The following CCDC148 variants were observed in gnomAD, a reference collection of about 807,000 sequenced individuals.
The protein encoded by CCDC148 is coiled-coil domain containing 148.
CCDC148 carries 89 observed loss-of-function variants against 85.7 expected under a neutral mutation model. That is an observed-to-expected ratio of 1.04 (90% CI 0.87 to 1.24). CCDC148 has a LOEUF of 1.24. CCDC148 is among the 50% of genes most tolerant of loss of function. The pLI is 0.00. For missense variants in CCDC148, 692 were observed against 671.7 expected, an observed-to-expected ratio of 1.03 and a Z score of -0.33; for synonymous variants, 230 against 213.9, an observed-to-expected ratio of 1.08 and a Z score of -0.66.
At chr2:158,427,099 C>T (rs1687112777) in intron 1 of CCDC148, among the ~76,000 whole-genome samples, 1 of 152,098 alleles carries the variant, frequency 6.6e-6, no homozygotes, top group African/African-American at 2.4e-5. Flanking sequence ...AATTTGACCT[C>T]ACAGTGAGAG....
At chr2:158,223,654 C>T (rs1687325106) in intron 10 of CCDC148, among the ~76,000 whole-genome samples, 1 of 152,198 alleles carries the variant, frequency 6.6e-6, no homozygotes, top group Non-Finnish European at 1.5e-5. Flanking sequence ...GCAACATTTG[C>T]TGTTCACCAA....
At chr2:158,327,820 T>A (rs1692859726) in intron 7 of CCDC148, among the ~76,000 whole-genome samples, 1 of 152,182 alleles carries the variant, frequency 6.6e-6, no homozygotes, top group Admixed American at 6.5e-5. Context: ...TTCAGCAACA[T>A]TTGAAATTTT....
chr2:158,266,702 C>T (rs543483596), intron 9 of CCDC148, among the ~76,000 whole-genome samples: 167 of 152,094 alleles, frequency 1.1e-3, no homozygotes, highest in African/African-American at 3.9e-3. Flanking sequence ...CTCCCACTTA[C>T]GTGTGAGAAC....
chr2:158,176,832 G>A, intron 12 of CCDC148, 171 bp from the exon 13 acceptor site: 1 of 633,534 alleles, frequency 1.6e-6, no homozygotes, highest in South Asian at 2.3e-5. Flanking sequence ...CCACAAAGGA[G>A]TTAAAACAAA....
intron 1 of CCDC148, among the ~76,000 whole-genome samples, chr2:158,421,709 G>C (rs532246709): frequency 2.0e-5 from 3 of 152,196 alleles, no homozygotes; most frequent in South Asian, 2.1e-4. Flanking sequence ...ACATTCAAAA[G>C]CTAGCAGAAG....
chr2:158,451,477 T>A (rs1688401824), intron 1 of CCDC148, among the ~76,000 whole-genome samples: 1 of 152,204 alleles, frequency 6.6e-6, no homozygotes, highest in South Asian at 2.1e-4. Context: ...TAACTACTGA[T>A]GTCTCTAATA....
At chr2:158,261,106 T>C (rs1034376440) in intron 9 of CCDC148, among the ~76,000 whole-genome samples, 5 of 151,980 alleles carry the variant, frequency 3.3e-5, no homozygotes, top group African/African-American at 1.2e-4. Context: ...TTACATTACC[T>C]GACTTCAAAC....
chr2:158,362,227 G>A (rs1683983349), intron 1 of CCDC148, among the ~76,000 whole-genome samples: 1 of 151,682 alleles, frequency 6.6e-6, no homozygotes, highest in Non-Finnish European at 1.5e-5. Flanking sequence ...AATAATAATG[G>A]GAGACTTTAA....
chr2:158,352,800 G>GA (rs1260548006), intron 2 of CCDC148, among the ~76,000 whole-genome samples: 8 of 151,822 alleles, frequency 5.3e-5, no homozygotes, highest in Non-Finnish European at 7.4e-5. Context: ...TGAAATGAAG[G>GA]AAAAAATGTT....
At chr2:158,238,298 A>G (rs1688200331) in intron 10 of CCDC148, among the ~76,000 whole-genome samples, 1 of 152,016 alleles carries the variant, frequency 6.6e-6, no homozygotes. Flanking sequence ...AAATGGAGGG[A>G]CTAGCCTTAG....
chr2:158,375,226 C>G (rs1391782670), intron 1 of CCDC148, among the ~76,000 whole-genome samples: 1 of 152,032 alleles, frequency 6.6e-6, no homozygotes, highest in African/African-American at 2.4e-5. Flanking sequence ...GCCCCTTGAC[C>G]CTACCAAGTC....
At chr2:158,345,937 C>T (rs1049192640) in intron 2 of CCDC148, among the ~76,000 whole-genome samples, 5 of 152,016 alleles carry the variant, frequency 3.3e-5, no homozygotes, top group African/African-American at 1.2e-4. Context: ...CTAAGTGCGT[C>T]TTTGTAAAAA....
At chr2:158,440,296 T>C (rs1416619770) in intron 1 of CCDC148, among the ~76,000 whole-genome samples, 1 of 152,200 alleles carries the variant, frequency 6.6e-6, no homozygotes, top group African/African-American at 2.4e-5. Flanking sequence ...TTCTTAACTG[T>C]TAAATAGTTA....
intron 1 of CCDC148, among the ~76,000 whole-genome samples, chr2:158,370,959 A>T (rs976260821): frequency 1.4e-4 from 22 of 151,828 alleles, no homozygotes; most frequent in African/African-American, 5.3e-4. Flanking sequence ...AACACTGGCA[A>T]TTTCTGGGTA....
At chr2:158,274,003 C>A (rs1413139311) in intron 9 of CCDC148, among the ~76,000 whole-genome samples, 1 of 152,150 alleles carries the variant, frequency 6.6e-6, no homozygotes, top group Admixed American at 6.5e-5. Flanking sequence ...TACTGGCCTC[C>A]AGGGCTATGT....
chr2:158,417,636 T>C (rs1235367993), intron 1 of CCDC148, among the ~76,000 whole-genome samples: 1 of 152,196 alleles, frequency 6.6e-6, no homozygotes, highest in African/African-American at 2.4e-5. Flanking sequence ...CAGACCTGCC[T>C]TGTGGTCTCA....
intron 6 of CCDC148, 37 bp downstream of exon 6, chr2:158,338,953 T>C (rs770316020): frequency 6.3e-6 from 10 of 1,599,864 alleles, no homozygotes; most frequent in Non-Finnish European, 8.5e-6. Context: ...AACGACAAAT[T>C]GATAAACACA....
chr2:158,395,010 C>T (rs981575173), intron 1 of CCDC148, among the ~76,000 whole-genome samples: 1 of 151,992 alleles, frequency 6.6e-6, no homozygotes, highest in African/African-American at 2.4e-5. Flanking sequence ...TTGACAGAGT[C>T]TGTTCCTTAA....
intron 9 of CCDC148, among the ~76,000 whole-genome samples, chr2:158,294,530 G>T (rs1342187759): frequency 6.6e-6 from 1 of 152,030 alleles, no homozygotes; most frequent in African/African-American, 2.4e-5. Context: ...AAAAAGAACT[G>T]CCAAAATCGT....
Sources: allele counts gnomAD v4.1 joint callset (sites outside exome capture counted in the v4.1 genomes callset), GRCh38; gene constraint gnomAD v4.1.1; transcripts MANE v1.5; gene names NCBI Gene and HGNC (gene_info 2026-07-23, HGNC 2026-07-21).